GABBR2: variants seen among roughly 807,000 people sequenced by gnomAD.
GABBR2 encodes the protein G-protein coupled receptor 51.
Under a neutral mutation model 105.6 loss-of-function variants are expected in GABBR2, and 23 were observed. The observed-to-expected ratio is 0.22, with a 90% CI of 0.16 to 0.31. The LOEUF is 0.31. Among genes scored for constraint, GABBR2 ranks in the 10% least tolerant of loss-of-function variants. The pLI is 1.00. For synonymous variants in GABBR2, 478 were observed against 499.7 expected (o/e 0.96, Z 0.58); for missense variants, 734 against 1,245.5 (o/e 0.59, Z 6.18).
chr9:98,600,759 C>T (rs914664), intron 1 of GABBR2, among the ~76,000 whole-genome samples: 57,072 of 152,154 alleles, frequency 0.38, 11,109 homozygotes, highest in African/African-American at 0.48. Context: ...TCTCAAGTCC[C>T]GTACGTTCTA....
chr9:98,403,965 A>G (rs1832444862), intron 8 of GABBR2, among the ~76,000 whole-genome samples: 1 of 152,054 alleles, frequency 6.6e-6, no homozygotes, highest in Non-Finnish European at 1.5e-5. Context: ...GGGTCGACCC[A>G]CAAAGCGCAA....
At chr9:98,589,968 A>T (rs976639339) in intron 1 of GABBR2, among the ~76,000 whole-genome samples, 5 of 152,160 alleles carry the variant, frequency 3.3e-5, no homozygotes, top group Non-Finnish European at 5.9e-5. Context: ...GTATCAAGCA[A>T]TCCTCCCACC....
intron 7 of GABBR2, among the ~76,000 whole-genome samples, chr9:98,426,471 C>A (rs957098975): frequency 8.5e-5 from 13 of 152,328 alleles, no homozygotes; most frequent in South Asian, 4.1e-4. Context: ...CTGGATCTCA[C>A]AGTGCTCAGC....
intron 2 of GABBR2, among the ~76,000 whole-genome samples, chr9:98,562,890 C>T (rs922967010): frequency 6.6e-6 from 1 of 151,408 alleles, no homozygotes; most frequent in Non-Finnish European, 1.5e-5. Context: ...GGCAACATGA[C>T]GAAACTCCAT....
intron 7 of GABBR2, among the ~76,000 whole-genome samples, chr9:98,425,344 G>A (rs996758188): frequency 5.9e-5 from 9 of 152,264 alleles, no homozygotes; most frequent in South Asian, 2.1e-4. Flanking sequence ...GAGGTTAAAC[G>A]AAGTAAAATT....
At chr9:98,545,362 G>A (rs563703548) in intron 2 of GABBR2, among the ~76,000 whole-genome samples, 6 of 152,300 alleles carry the variant, frequency 3.9e-5, no homozygotes, top group East Asian at 1.9e-4. Context: ...ATTGCTTTGC[G>A]TCACTGTTTC....
At chr9:98,318,892 T>A (rs1312947184) in intron 13 of GABBR2, among the ~76,000 whole-genome samples, 7 of 111,456 alleles carry the variant, frequency 6.3e-5, no homozygotes. Context: ...AATGTGAGTT[T>A]GTGTGTGTGT....
Position 98,560,420 on chromosome 9 carries a change from TACACATACACACACAC to T in GABBR2, c.459+17499_459+17514del, listed in dbSNP as rs1342649254. Reference sequence around the variant, plus strand: ...ACACACATACACACACACACACATATACACATACACACACACACACATACACACACACACATATATA... The same window carrying T: ...ACACACATACACACACACACACATATACACATACACACACACACATATATA... On this transcript the variant is annotated intron_variant, in intron 2 of 18. Coordinates refer to ENST00000259455, the MANE Select transcript of GABBR2 (RefSeq NM_005458.8). Among the ~76,000 whole-genome samples the T allele has an allele frequency of 8.4e-3, 823 of 97,874 alleles. 8 individuals carry two copies. Among genetic ancestry groups the T allele is most frequent in the African/African-American group, 0.022 (767 of 35,602 alleles). 64.2% of individuals were successfully genotyped at this position (97,874 alleles called of 152,430 possible).
chr9:98,443,496 T>C (rs1207132766), intron 7 of GABBR2, among the ~76,000 whole-genome samples: 2 of 152,124 alleles, frequency 1.3e-5, no homozygotes, highest in African/African-American at 2.4e-5. Context: ...TGTATTTAAA[T>C]TAAAGGGGGA....
chr9:98,627,184 C>A (rs1322584368), intron 1 of GABBR2, among the ~76,000 whole-genome samples: 1 of 152,132 alleles, frequency 6.6e-6, no homozygotes, highest in Non-Finnish European at 1.5e-5. Context: ...CAGATGTCCA[C>A]ATGATACTCA....
intron 6 of GABBR2, among the ~76,000 whole-genome samples, chr9:98,470,420 T>A (rs1052353390): frequency 6.6e-5 from 10 of 152,068 alleles, no homozygotes; most frequent in Admixed American, 5.9e-4. Context: ...CAAAATGAAT[T>A]TCCCCTTATC....
rs144965147 is a variant in GABBR2 at position 98,344,557 on chromosome 9, C to T, written c.1893+18158G>A. On this transcript the variant is annotated intron_variant, in intron 13 of 18. Transcript: ENST00000259455. ...GGGGCATTTGTCTCTGGAGCCCTCA[C>T]TCTCCCTTTTCAAATTCTTCCATTT... is the stretch of plus-strand genomic sequence containing the variant. Among the ~76,000 whole-genome samples, 366 of 152,232 alleles carry T rather than the reference C, an allele frequency of 2.4e-3. 1 individual carries two copies. The highest frequency in any genetic ancestry group is 8.4e-3 in the African/African-American group (351 of 41,540).
intron 4 of GABBR2, among the ~76,000 whole-genome samples, chr9:98,481,871 G>GT (rs1564087008): frequency 3.3e-5 from 5 of 152,332 alleles, no homozygotes; most frequent in Admixed American, 6.5e-5. Flanking sequence ...TGACCCCTGT[G>GT]ACTCATTCAT....
intron 16 of GABBR2, among the ~76,000 whole-genome samples, chr9:98,300,380 A>T (rs1025393982): frequency 4.6e-5 from 7 of 152,052 alleles, no homozygotes; most frequent in Admixed American, 1.3e-4. Context: ...CCTGGGCTCG[A>T]GCGATCCTCC....
intron 1 of GABBR2, among the ~76,000 whole-genome samples, chr9:98,686,483 G>A (rs1176069670): frequency 1.3e-5 from 2 of 151,922 alleles, no homozygotes; most frequent in African/African-American, 2.4e-5. Flanking sequence ...TGCAACCTTC[G>A]CCTCCCAGTT....
intron 17 of GABBR2, among the ~76,000 whole-genome samples, chr9:98,296,231 T>C (rs1022486158): frequency 6.6e-6 from 1 of 152,178 alleles, no homozygotes; most frequent in Non-Finnish European, 1.5e-5. Flanking sequence ...TTCTGCCACA[T>C]GAAGATGTAG....
chr9:98,436,314 TA>T lies in GABBR2; in HGVS notation c.1236+17666del, dbSNP rs1564068048. Among the ~76,000 whole-genome samples the T allele has an allele frequency of 6.7e-4, 57 of 85,532 alleles. 1 individual carries two copies. The highest frequency in any genetic ancestry group is 1.4e-3 in the East Asian group (2 of 1,476). The allele number at this position is 85,532 out of a possible 152,430, so 56.1% of individuals were successfully genotyped here. ...ATATATATATATATACCCATAAATA[TA>T]CCATATATATATATATACACACACA... is the stretch of plus-strand genomic sequence containing the variant. On this transcript the variant is annotated intron_variant, in intron 7 of 18. Coordinates refer to ENST00000259455, the MANE Select transcript of GABBR2 (RefSeq NM_005458.8).
chr9:98,376,398 G>T (rs1403742799), intron 11 of GABBR2, among the ~76,000 whole-genome samples: 1 of 152,224 alleles, frequency 6.6e-6, no homozygotes, highest in Admixed American at 6.5e-5. Context: ...AAGTCAGATG[G>T]AAGAGCAAGC....
At position 98,637,590 on chromosome 9, in the gene GABBR2, C is replaced by G. The variant is rs186086769; in HGVS notation, c.322-59518G>C. 1.1e-3 allele frequency among the ~76,000 whole-genome samples: 167 copies of G among 152,162 alleles called. No homozygotes were observed. In the Middle Eastern group the frequency reaches 0.014, roughly 12 times the overall value. On this transcript the variant is annotated intron_variant, in intron 1 of 18. Coordinates refer to ENST00000259455, the MANE Select transcript of GABBR2 (RefSeq NM_005458.8). ...ATTACAAGCATCCTTAAAAGTGGAA[C>G]AGGGAGGCAGGAGGGTGAGTACCCA...
Sources: gnomAD v4.1 joint callset for allele counts (sites outside exome capture counted in the v4.1 genomes callset) on GRCh38, gnomAD v4.1.1 for gene constraint, MANE v1.5 for transcripts, NCBI Gene and HGNC (gene_info 2026-07-23, HGNC 2026-07-21) for gene names.